Variants in SLC23A1 observed in about 807,000 individuals in gnomAD.
The protein encoded by SLC23A1 is solute carrier family 23 member 1.
A neutral mutation model predicts 62.5 loss-of-function variants in SLC23A1; 31 were observed. The ratio of observed to expected loss-of-function variants is 0.50; its 90% confidence interval spans 0.37 to 0.67. The LOEUF (loss-of-function observed/expected upper bound fraction) is 0.67. Among genes scored for constraint, SLC23A1 ranks in the 30% least tolerant of loss-of-function variants. The probability of loss-of-function intolerance (pLI) is 0.00; values close to 1 mark genes in which losing one functional copy is unlikely to be tolerated. For synonymous variants in SLC23A1, 271 were observed against 313.2 expected, an observed-to-expected ratio of 0.87 and a Z score of 1.42; for missense variants, 640 against 782.7, an observed-to-expected ratio of 0.82 and a Z score of 2.18.
intron 13 of SLC23A1, among the ~76,000 whole-genome samples, chr5:139,374,496 GAA>G (rs1213669036): frequency 6.6e-6 from 1 of 152,228 alleles, no homozygotes; most frequent in East Asian, 1.9e-4. Context: ...TCCCCAGCAG[GAA>G]GTTAAGGGCT....
intron 14 of SLC23A1, among the ~76,000 whole-genome samples, chr5:139,371,082 A>G (rs1337912620): frequency 6.6e-6 from 1 of 150,472 alleles, no homozygotes; most frequent in Non-Finnish European, 1.5e-5. Flanking sequence ...ACTCTGTCTC[A>G]AAAAAAAAGG....
Position 139,379,125 on chromosome 5 carries a change from C to T in SLC23A1, c.1073+82G>A. The T allele has an allele frequency of 1.4e-6, 2 of 1,462,348 alleles. No homozygotes were observed. The highest frequency in any genetic ancestry group is 1.2e-5 in the South Asian group (1 of 83,100). The allele number at this position is 1,462,348 out of a possible 1,614,324, so 90.6% of individuals were successfully genotyped here. On this transcript the variant is annotated intron_variant, in intron 9 of 14. Coordinates refer to ENST00000348729, the MANE Select transcript of SLC23A1 (RefSeq NM_005847.5). The surrounding 1 kb of genome is among the most constrained non-coding windows in gnomAD (Gnocchi z 4.7). ...GTTCCCGACTTGCCTAAGCCTACCC[C>T]CTGGGCCTCCACCCCGTTCCTGTGT...
chr5:139,380,378 TGCACCCTGGACCTGGAAGG>T lies in SLC23A1; in HGVS notation c.466-8_476del. 6.2e-7 allele frequency: 1 copy of T among 1,613,396 alleles called. No individual in the cohort carries two copies. The highest frequency in any genetic ancestry group is 1.1e-5 in the South Asian group (1 of 90,900). On this transcript the variant is annotated splice_acceptor_variant and splice_polypyrimidine_tract_variant and coding_sequence_variant and intron_variant, in exon 6 of 15. Coordinates refer to ENST00000348729, the MANE Select transcript of SLC23A1 (RefSeq NM_005847.5). LOFTEE classifies it high-confidence loss of function. Reference sequence around the variant, plus strand: ...CCTCCACCACGCTGGACACCATGATTGCACCCTGGACCTGGAAGGGCAAACATCAGCCGTAAGTCACCAT... The same window carrying T: ...CCTCCACCACGCTGGACACCATGATTGCAAACATCAGCCGTAAGTCACCAT...
At chr5:139,375,116 A>G (rs995122150) in intron 13 of SLC23A1, among the ~76,000 whole-genome samples, 2 of 152,214 alleles carry the variant, frequency 1.3e-5, no homozygotes, top group African/African-American at 4.8e-5. Context: ...GTGAACATGA[A>G]CACTTGGATC....
chr5:139,372,008 A>G lies in SLC23A1; in HGVS notation c.1795T>C (p.Ter599ArgextTer33). 2 of 1,612,768 alleles carry G rather than the reference A, an allele frequency of 1.2e-6. No individual in the cohort carries two copies. The highest frequency in any genetic ancestry group is 1.7e-6 in the Non-Finnish European group (2 of 1,179,132). Reference sequence around the variant, plus strand: ...CTACCTTTCCTGGAAGTCATTTTTCAGACCTTGGTGCACACAGATGCAGTT... The same window carrying G: ...CTACCTTTCCTGGAAGTCATTTTTCGGACCTTGGTGCACACAGATGCAGTT... The part of the protein sequence containing the change: ...TETASVCTKV[*>R] Residue 599 changes from the stop codon to arginine, a stop_lost, in exon 14 of 15, where the codon TGA (stop) becomes CGA (arginine). Coordinates refer to ENST00000348729, the MANE Select transcript of SLC23A1 (RefSeq NM_005847.5).
At position 139,382,469 on chromosome 5, in the gene SLC23A1, C is replaced by T. The variant is rs191165090; in HGVS notation, c.150+23G>A. On this transcript the variant is annotated intron_variant, in intron 2 of 14. Coordinates refer to ENST00000348729, the MANE Select transcript of SLC23A1 (RefSeq NM_005847.5). ...CCCCGGGGAGTGTGCAGAGTGAGGG[C>T]GGGGAGGCCCTGGGGGACCCACCTG... 7.5e-4 allele frequency: 1,044 copies of T among 1,386,780 alleles called. 1 individual carries two copies. The highest frequency in any genetic ancestry group is 2.8e-3 in the Middle Eastern group (15 of 5,416). 85.9% of individuals were successfully genotyped at this position (1,386,780 alleles called of 1,614,324 possible). A position where few individuals can be genotyped will look rare whatever the true frequency, so the allele number is the denominator to read the frequency against.
intron 14 of SLC23A1, among the ~76,000 whole-genome samples, chr5:139,370,564 G>A (rs1185534671): frequency 6.6e-6 from 1 of 151,590 alleles, no homozygotes; most frequent in African/African-American, 2.4e-5. Context: ...TGCAATCTCA[G>A]TTCAATGCAA....
chr5:139,370,858 A>G (rs1005717284), intron 14 of SLC23A1, among the ~76,000 whole-genome samples: 1 of 151,310 alleles, frequency 6.6e-6, no homozygotes, highest in Non-Finnish European at 1.5e-5. Context: ...TGGGAGGTCA[A>G]GGTAGGTGGA....
In SLC23A1 at chr5:139,378,991, G is replaced by C. The variant is rs900808011; in HGVS notation, c.1073+216C>G. Reference sequence around the variant, plus strand: ...GGGCACATGGAGGGCTGTCAATGACGGTGGTTCCCTTTGGACTCCACCATC... The same window carrying C: ...GGGCACATGGAGGGCTGTCAATGACCGTGGTTCCCTTTGGACTCCACCATC... On this transcript the variant is annotated intron_variant, in intron 9 of 14. Transcript: ENST00000348729. This position sits in a 1 kb window ranked among gnomAD's most constrained non-coding sequence, Gnocchi z 4.5. Among the ~76,000 whole-genome samples the C allele has an allele frequency of 6.6e-6, 1 of 152,146 alleles. No individual in the cohort carries two copies. The highest frequency in any genetic ancestry group is 2.4e-5 in the African/African-American group (1 of 41,426).
rs755956618 is a variant in SLC23A1, at chr5:139,378,538, A to C, written c.1179+41T>G. 2.0e-6 allele frequency: 3 copies of C among 1,494,424 alleles called. No individual in the cohort carries two copies. The South Asian group carries it at 3.7e-5, about 18-fold the overall frequency. The allele number at this position is 1,494,424 out of a possible 1,614,324, so 92.6% of individuals were successfully genotyped here. ...CGAGTTGGGGCGGGGCCTGCGGCCC[A>C]CGGAATTAGGGCAGGATTTGGCTCT... On this transcript the variant is annotated intron_variant, in intron 10 of 14. Coordinates refer to ENST00000348729, the MANE Select transcript of SLC23A1 (RefSeq NM_005847.5). This position sits in a 1 kb window ranked among gnomAD's most constrained non-coding sequence, Gnocchi z 4.5.
intron 13 of SLC23A1, among the ~76,000 whole-genome samples, chr5:139,375,186 T>C (rs1757887912): frequency 6.6e-6 from 1 of 152,104 alleles, no homozygotes; most frequent in Non-Finnish European, 1.5e-5. Flanking sequence ...AGTGACAAAA[T>C]GGAGGCCCAT....
At position 139,381,990 on chromosome 5, in the gene SLC23A1, C is replaced by T. The variant is rs1405178331; in HGVS notation, c.210G>A (p.Leu70=). The change falls in exon 3 of 15, where the codon CTG becomes CTA. Residue 70 remains leucine (L), a synonymous_variant. Transcript: ENST00000348729. ...IAVPFLLAEA[L]CVGHDQHMVS... is the part of the protein sequence containing the mutation. Reference sequence around the variant, plus strand: ...CCATGTGCTGGTCGTGGCCCACACACAGCGCCTCAGCCAGCAGGAAGGGCA... The same window carrying T: ...CCATGTGCTGGTCGTGGCCCACACATAGCGCCTCAGCCAGCAGGAAGGGCA... The T allele has an allele frequency of 6.2e-7, 1 of 1,605,440 alleles. No homozygotes were observed.
chr5:139,378,089 G>A lies in SLC23A1; in HGVS notation c.1339C>T (p.Leu447=). 6.2e-7 allele frequency: 1 copy of A among 1,614,232 alleles called. No homozygotes were observed. Among genetic ancestry groups the A allele is most frequent in the Non-Finnish European group, 8.5e-7 (1 of 1,180,034 alleles). The part of the protein sequence containing the change: ...GMITAVGLSN[L]QFVDMNSSRN... Reference sequence around the variant, plus strand: ...GAGGAGTTCATGTCCACAAATTGCAGGTTGGACAGCCCCACAGCTGTAATC... The same window carrying A: ...GAGGAGTTCATGTCCACAAATTGCAAGTTGGACAGCCCCACAGCTGTAATC... The change falls in exon 12 of 15, where the codon CTG becomes TTG. Residue 447 remains leucine, a synonymous_variant. Transcript: ENST00000348729. This position sits in a 1 kb window ranked among gnomAD's most constrained non-coding sequence, Gnocchi z 4.5.
At chr5:139,384,793 C>T (rs1758445932), upstream of SLC23A1, 2 of 972,512 alleles carry the variant, frequency 2.1e-6, no homozygotes, top group African/African-American at 1.8e-5. Flanking sequence ...CACAGAAACA[C>T]AGGTCCACGT....
chr5:139,379,635 T>C lies in SLC23A1; in HGVS notation c.925+43A>G, dbSNP rs1210205243. 1.9e-6 allele frequency: 3 copies of C among 1,555,312 alleles called. No homozygotes were observed. The Admixed American group carries it at 5.6e-5, about 29-fold the overall frequency. ...GGTCACCAGGAGTCTGTCTCATAGG[T>C]GGTCTCAGTTGGGGGCAGAGGGGCC... is the stretch of plus-strand genomic sequence containing the variant. On this transcript the variant is annotated intron_variant, in intron 8 of 14. Coordinates refer to ENST00000348729, the MANE Select transcript of SLC23A1 (RefSeq NM_005847.5). The surrounding 1 kb of genome is among the most constrained non-coding windows in gnomAD (Gnocchi z 4.7).
Position 139,377,479 on chromosome 5 carries a change from T to C in SLC23A1, c.1472A>G (p.Gln491Arg). The C allele has an allele frequency of 6.2e-7, 1 of 1,608,424 alleles. No homozygotes were observed. The change falls in exon 13 of 15, where the codon CAG (glutamine) becomes CGG (arginine). Residue 491 changes from glutamine (Q) to arginine (R), a missense_variant. Transcript: ENST00000348729. ...CGTGGTCAGCAGCACAATCAGAATC[T>C]GATCCACTTCAAGAATGCCTGTGGA... Reference protein sequence around the residue: ...AINTGILEVDQILIVLLTTEM... With the variant: ...AINTGILEVDRILIVLLTTEM...
upstream of SLC23A1, chr5:139,384,843 T>G: frequency 7.3e-6 from 5 of 687,534 alleles, no homozygotes; most frequent in Non-Finnish European, 9.0e-6. Flanking sequence ...GAAAGCTTAG[T>G]GGGTTTCTTG....
chr5:139,380,774 T>C lies in SLC23A1; in HGVS notation c.397+24A>G, dbSNP rs376557773. 2.0e-6 allele frequency: 3 copies of C among 1,521,520 alleles called. No individual in the cohort carries two copies. In the African/African-American group the frequency reaches 4.1e-5, roughly 21 times the overall value. 94.3% of individuals were successfully genotyped at this position (1,521,520 alleles called of 1,614,324 possible). A position where few individuals can be genotyped will look rare whatever the true frequency, so the allele number is the denominator to read the frequency against. On this transcript the variant is annotated intron_variant, in intron 4 of 14. Coordinates refer to ENST00000348729, the MANE Select transcript of SLC23A1 (RefSeq NM_005847.5). The stretch of plus-strand genomic sequence containing the variant: ...TCTCTGGGCCTCCCCTTTTCCCCAG[T>C]GCAGACCCCAGAAGTGTACCCACCT...
intron 14 of SLC23A1, among the ~76,000 whole-genome samples, chr5:139,370,420 C>T (rs1160523318): frequency 6.6e-6 from 1 of 152,034 alleles, no homozygotes; most frequent in African/African-American, 2.4e-5. Context: ...ATCCACCTGC[C>T]TCGGCCTCCC....
Sources: gnomAD v4.1 joint callset for allele counts (sites outside exome capture counted in the v4.1 genomes callset) on GRCh38, gnomAD v4.1.1 for gene constraint, Gnocchi (gnomAD v3.1) non-coding constraint, MANE v1.5 for transcripts, NCBI Gene and HGNC (gene_info 2026-07-23, HGNC 2026-07-21) for gene names.